ANP32B: variants seen among roughly 807,000 people sequenced by gnomAD.
ANP32B encodes acidic nuclear phosphoprotein 32 family member B, also known as acidic leucine-rich nuclear phosphoprotein 32 family member B.
In ANP32B, 6 loss-of-function variants were observed where a neutral mutation model predicts 32.2. The observed-to-expected ratio is 0.19, with a 90% CI of 0.10 to 0.37. The LOEUF (loss-of-function observed/expected upper bound fraction) is 0.37, where lower values mean the gene tolerates loss of function less well. Ranked by LOEUF, ANP32B falls within the 10% of genes least tolerant of loss-of-function variation. ANP32B has a pLI of 1.00. For missense variants in ANP32B, 204 were observed against 289.2 expected, an observed-to-expected ratio of 0.71 and a Z score of 2.14; for synonymous variants, 98 against 105.8, an observed-to-expected ratio of 0.93 and a Z score of 0.45.
chr9:97,984,674 T>G (rs1827674841), intron 1 of ANP32B: 1 of 149,504 alleles, frequency 6.7e-6, no homozygotes, highest in Non-Finnish European at 1.5e-5. Context: ...CGGCCGCCTC[T>G]TCCCGCGCCG....
chr9:97,994,063 G>T (rs1827869575), intron 1 of ANP32B, among the ~76,000 whole-genome samples: 2 of 152,204 alleles, frequency 1.3e-5, no homozygotes, highest in Admixed American at 1.3e-4. Context: ...ATTGATCTTT[G>T]TTTTGAATTA....
chr9:98,001,349 G>A (rs1827989006), intron 3 of ANP32B, among the ~76,000 whole-genome samples: 1 of 151,928 alleles, frequency 6.6e-6, no homozygotes, highest in Non-Finnish European at 1.5e-5. Flanking sequence ...CTGCCACCAT[G>A]CCTGGCTAAG....
intron 6 of ANP32B, among the ~76,000 whole-genome samples, 198 bp downstream of exon 6, chr9:98,012,670 T>C (rs1450960010): frequency 6.6e-6 from 1 of 152,238 alleles, no homozygotes; most frequent in Non-Finnish European, 1.5e-5. Context: ...CAGTTATTCC[T>C]GTCTCATGGC....
intron 1 of ANP32B, chr9:97,984,710 C>A (rs905023699): frequency 5.3e-5 from 8 of 150,842 alleles, no homozygotes; most frequent in African/African-American, 7.3e-5. Context: ...TCCCCCCGCC[C>A]CGCCGGGGCT....
In ANP32B at chr9:97,998,622, A is replaced by G. The variant is rs758841211; in HGVS notation, c.271A>G (p.Thr91Ala). The change falls in exon 3 of 7, where the codon ACA becomes GCA. Residue 91 changes from threonine to alanine, a missense_variant. Thr to Ala is a moderately conservative substitution (Grantham distance 58, BLOSUM62 0). Coordinates refer to ENST00000339399, the MANE Select transcript of ANP32B (RefSeq NM_006401.3). ...GTTAGCTGAAAAACTTCCAAATCTC[A>G]CACATCTAAACTTAAGTGGAAATAA... ...DMLAEKLPNLTHLNLSGNKLK... is the reference protein window; with the variant it reads ...DMLAEKLPNLAHLNLSGNKLK... 4 of 1,612,306 alleles carry G rather than the reference A, an allele frequency of 2.5e-6. No individual in the cohort carries two copies. Among genetic ancestry groups the G allele is most frequent in the Non-Finnish European group, 3.4e-6 (4 of 1,179,336 alleles).
At chr9:97,999,589 T>G (rs1388956630) in intron 3 of ANP32B, among the ~76,000 whole-genome samples, 1 of 152,224 alleles carries the variant, frequency 6.6e-6, no homozygotes, top group Non-Finnish European at 1.5e-5. Context: ...TGTGTGACCT[T>G]GGGCAAACTG....
chr9:97,991,964 A>T (rs999355958), intron 1 of ANP32B, among the ~76,000 whole-genome samples: 1 of 152,220 alleles, frequency 6.6e-6, no homozygotes, highest in African/African-American at 2.4e-5. Flanking sequence ...TCTGTACAAT[A>T]TTGCTGACAA....
intron 3 of ANP32B, 93 bp from the exon 4 acceptor site, chr9:98,004,867 TTGAA>T: frequency 1.0e-6 from 1 of 956,352 alleles, no homozygotes; most frequent in Non-Finnish European, 1.5e-6. Flanking sequence ...GTAGTGGAAA[TTGAA>T]TATAGAGCCT....
intron 1 of ANP32B, 60 bp downstream of exon 1, chr9:97,983,669 C>G: frequency 7.3e-7 from 1 of 1,369,262 alleles, no homozygotes; most frequent in East Asian, 3.0e-5. Context: ...ATGGTGGCCA[C>G]CTGCGGGGCC....
Position 98,003,559 on chromosome 9 carries a change from C to G in ANP32B, c.328-1405C>G, listed in dbSNP as rs143264641. On this transcript the variant is annotated intron_variant, in intron 3 of 6. Coordinates refer to ENST00000339399, the MANE Select transcript of ANP32B (RefSeq NM_006401.3). ...GCCACTGGACCACCGGTTCCCAACC[C>G]CTGCTCTAGAGCCTTGAGGCAGATT... Among the ~76,000 whole-genome samples the G allele has an allele frequency of 1.1e-3, 161 of 152,232 alleles. 1 individual carries two copies. Among genetic ancestry groups the G allele is most frequent in the African/African-American group, 3.4e-3 (143 of 41,546 alleles).
chr9:97,994,492 A>G, intron 1 of ANP32B, 139 bp from the exon 2 acceptor site: 1 of 715,120 alleles, frequency 1.4e-6, no homozygotes. Flanking sequence ...ATCTTTTTAT[A>G]ACTATGATCT....
intron 3 of ANP32B, among the ~76,000 whole-genome samples, chr9:98,000,184 G>T (rs1037661226): frequency 6.6e-6 from 1 of 152,128 alleles, no homozygotes; most frequent in Admixed American, 6.5e-5. Flanking sequence ...CACTATGTTA[G>T]GCCAGGCTGG....
At chr9:97,991,578 G>T (rs1266047687) in intron 1 of ANP32B, among the ~76,000 whole-genome samples, 1 of 152,066 alleles carries the variant, frequency 6.6e-6, no homozygotes, top group Non-Finnish European at 1.5e-5. Flanking sequence ...TTCCGTAATC[G>T]AGAGGTTACA....
At chr9:98,005,870 A>G (rs544229553) in intron 4 of ANP32B, among the ~76,000 whole-genome samples, 28 of 152,148 alleles carry the variant, frequency 1.8e-4, no homozygotes, top group African/African-American at 6.7e-4. Context: ...GACTGGTACT[A>G]CTCCATGACC....
At chr9:97,986,013 G>A (rs1448475167) in intron 1 of ANP32B, among the ~76,000 whole-genome samples, 2 of 151,982 alleles carry the variant, frequency 1.3e-5, no homozygotes, top group African/African-American at 4.8e-5. Context: ...TAGAGGCGGG[G>A]TTTCTCCCTG....
intron 1 of ANP32B, among the ~76,000 whole-genome samples, chr9:97,990,966 C>T (rs995436260): frequency 6.6e-6 from 1 of 151,918 alleles, no homozygotes; most frequent in African/African-American, 2.4e-5. Flanking sequence ...ACTACAGGTG[C>T]ACACCACCAT....
chr9:97,992,117 G>GTCTC (rs2131582990), intron 1 of ANP32B, among the ~76,000 whole-genome samples: 1 of 152,130 alleles, frequency 6.6e-6, no homozygotes, highest in South Asian at 2.1e-4. Flanking sequence ...TTGAGATGGA[G>GTCTC]TCTCCTTTTT....
At chr9:97,983,812 CGGCCGGGGGGA>C (rs1310923286) in intron 1 of ANP32B, among the ~76,000 whole-genome samples, 2 of 151,720 alleles carry the variant, frequency 1.3e-5, no homozygotes, top group Non-Finnish European at 2.9e-5. Context: ...GCCCCTGGGG[CGGCCGGGGGGA>C]GGCAGCGGTG....
Position 98,015,427 on chromosome 9 carries a change from A to G in ANP32B, c.752A>G (p.Asp251Gly). 6.5e-7 allele frequency: 1 copy of G among 1,549,692 alleles called. No individual in the cohort carries two copies. Among genetic ancestry groups the G allele is most frequent in the Non-Finnish European group, 8.7e-7 (1 of 1,146,700 alleles). The stretch of plus-strand genomic sequence containing the variant: ...GAAACAGATGATGAAGGAGAAGATG[A>G]TTAAGACCCCAGATGACCTGCAGAA... ...KRETDDEGED[D>G] Residue 251 changes from aspartate to glycine, a missense_variant, in exon 7 of 7, where the codon GAT (aspartate) becomes GGT (glycine). Physicochemically the swap from Asp to Gly is moderately conservative, Grantham distance 94 (BLOSUM62 -1). Coordinates refer to ENST00000339399, the MANE Select transcript of ANP32B (RefSeq NM_006401.3).
Sources: allele counts gnomAD v4.1 joint callset (sites outside exome capture counted in the v4.1 genomes callset), GRCh38; gene constraint gnomAD v4.1.1; transcripts MANE v1.5; gene names NCBI Gene and HGNC (gene_info 2026-07-23, HGNC 2026-07-21).